CMTM1: variants seen among roughly 807,000 people sequenced by gnomAD.
The protein encoded by CMTM1 is CKLF-like MARVEL transmembrane domain-containing protein 1.
A neutral mutation model predicts 17.8 loss-of-function variants in CMTM1; 16 were observed. That is an observed-to-expected ratio of 0.90 (90% confidence interval 0.61 to 1.37). The LOEUF (loss-of-function observed/expected upper bound fraction) is 1.37, where lower values mean the gene tolerates loss of function less well. Among genes scored for constraint, CMTM1 ranks in the 40% most tolerant of loss-of-function variants. CMTM1 has a pLI of 0.00. For missense variants in CMTM1, 354 were observed against 375.6 expected (o/e 0.94, Z 0.47); for synonymous variants, 169 against 154.6 (o/e 1.09, Z -0.69).
chr16:66,566,537 T>A lies in CMTM1; in HGVS notation c.24T>A (p.Pro8=). Residue 8 remains proline, a synonymous_variant, in exon 1 of 4, where the codon CCT becomes CCA. Transcript: ENST00000379500. The surrounding 1 kb of genome is among the most constrained non-coding windows in gnomAD (Gnocchi z 4.9). MDPEHAK[P]ESSEAPSGNL... ...CCATGGATCCTGAACACGCCAAACC[T>A]GAGTCATCCGAGGCACCTTCAGGGA... is the stretch of plus-strand genomic sequence containing the variant. 6.2e-7 allele frequency: 1 copy of A among 1,612,288 alleles called. No homozygotes were observed. The highest frequency in any genetic ancestry group is 8.5e-7 in the Non-Finnish European group (1 of 1,179,292).
chr16:66,566,818 C>T lies in CMTM1; in HGVS notation c.305C>T (p.Ser102Phe). ...CCCACGCCCTCTGCACACACTGAATCCAAACTCTTAAATGAGATGGCGATC... is the reference window on the plus strand; with the variant it reads ...CCCACGCCCTCTGCACACACTGAATTCAAACTCTTAAATGAGATGGCGATC... The part of the protein sequence containing the change: ...PPPTPSAHTE[S>F]KLLNEMAIKE... Residue 102 changes from serine to phenylalanine, a missense_variant, in exon 1 of 4, where the codon TCC (serine) becomes TTC (phenylalanine). By Grantham distance (155) the Ser-to-Phe change is radical (BLOSUM62 -2). Transcript: ENST00000379500. The surrounding 1 kb of genome is among the most constrained non-coding windows in gnomAD (Gnocchi z 4.9). 6.2e-7 allele frequency: 1 copy of T among 1,612,590 alleles called. No individual in the cohort carries two copies. The highest frequency in any genetic ancestry group is 1.1e-5 in the South Asian group (1 of 91,060).
At position 66,566,890 on chromosome 16, in the gene CMTM1, A is replaced by G. The variant is rs534326950; in HGVS notation, c.377A>G (p.Asp126Gly). 1.9e-6 allele frequency: 3 copies of G among 1,613,968 alleles called. No homozygotes were observed. The African/African-American group carries it at 4.0e-5, about 22-fold the overall frequency. ...GRAKVPYKFR[D>G]SLKRFSFSPT... Reference sequence around the variant, plus strand: ...GCCAAAGTCCCGTACAAATTCAGGGACAGCCTCAAACGTTTCTCCTTCTCG... The same window carrying G: ...GCCAAAGTCCCGTACAAATTCAGGGGCAGCCTCAAACGTTTCTCCTTCTCG... The change falls in exon 1 of 4, where the codon GAC (aspartate) becomes GGC (glycine). Residue 126 changes from aspartate (D) to glycine (G), a missense_variant. Transcript: ENST00000379500. The surrounding 1 kb of genome is among the most constrained non-coding windows in gnomAD (Gnocchi z 4.9).
chr16:66,572,081 C>T (rs542461517), intron 2 of CMTM1, among the ~76,000 whole-genome samples: 1 of 152,228 alleles, frequency 6.6e-6, no homozygotes, highest in African/African-American at 2.4e-5. Flanking sequence ...AGAGGTGATT[C>T]GGAGCCCCTG....
chr16:66,570,389 A>G (rs1427702934), intron 2 of CMTM1, among the ~76,000 whole-genome samples: 1 of 152,218 alleles, frequency 6.6e-6, no homozygotes, highest in Non-Finnish European at 1.5e-5. Flanking sequence ...AAAGTAGGTA[A>G]GCACATTTCT....
chr16:66,573,075 C>G (rs533373538), intron 2 of CMTM1, among the ~76,000 whole-genome samples: 1 of 152,250 alleles, frequency 6.6e-6, no homozygotes, highest in Admixed American at 6.5e-5. Context: ...GACCCTGACA[C>G]CATGGGAAAG....
intron 3 of CMTM1, among the ~76,000 whole-genome samples, chr16:66,577,821 ATTCAGGGGG>A (rs2094575102): frequency 6.6e-6 from 1 of 152,254 alleles, no homozygotes; most frequent in South Asian, 2.1e-4. Flanking sequence ...TGCTTGGAAG[ATTCAGGGGG>A]TTGGGAGGGG....
chr16:66,570,158 C>A, intron 2 of CMTM1, 64 bp downstream of exon 2: 1 of 1,307,556 alleles, frequency 7.6e-7, no homozygotes, highest in East Asian at 2.4e-5. Context: ...AGTAAGGGCT[C>A]TCCTTAAGTG....
rs1249868671 is a variant in CMTM1 at position 66,566,632 on chromosome 16, C to T, written c.119C>T (p.Ala40Val). Reference sequence around the variant, plus strand: ...AGCGTAGTGAGTTCTGTACCCAAGGCACAGCGCAACATCTCAGCGAAGACC... The same window carrying T: ...AGCGTAGTGAGTTCTGTACCCAAGGTACAGCGCAACATCTCAGCGAAGACC... ...SGSVVSSVPK[A>V]QRNISAKTAP... The change falls in exon 1 of 4, where the codon GCA becomes GTA. Residue 40 changes from alanine to valine, a missense_variant. Transcript: ENST00000379500. This position sits in a 1 kb window ranked among gnomAD's most constrained non-coding sequence, Gnocchi z 4.9. 1.2e-6 allele frequency: 2 copies of T among 1,614,032 alleles called. No homozygotes were observed. The highest frequency in any genetic ancestry group is 4.5e-5 in the East Asian group (2 of 44,848).
rs1491178009 is a variant in CMTM1 at position 66,567,152 on chromosome 16, TTC to T, written c.432+209_432+210del. The T allele has an allele frequency of 1.5e-3, 956 of 626,850 alleles. 2 individuals are homozygous for T. In the African/African-American group the frequency reaches 0.021, roughly 14 times the overall value. The allele number at this position is 626,850 out of a possible 1,614,324, so 38.8% of individuals were successfully genotyped here. A position where few individuals can be genotyped will look rare whatever the true frequency, so the allele number is the denominator to read the frequency against. ...ACTTGCCTCTTTTTTTCCCTATTTT[TTC>T]TTTTTTTTTTTTTTTTATTATACTT... On this transcript the variant is annotated intron_variant, in intron 1 of 3. Coordinates refer to ENST00000379500, the MANE Select transcript of CMTM1 (RefSeq NM_052999.4).
At chr16:66,575,632 A>G (rs1197450058) in intron 2 of CMTM1, among the ~76,000 whole-genome samples, 1 of 152,200 alleles carries the variant, frequency 6.6e-6, no homozygotes, top group Non-Finnish European at 1.5e-5. Flanking sequence ...TAGGCAACTG[A>G]AAAACTCCAA....
chr16:66,576,167 C>T (rs776029989), intron 2 of CMTM1, among the ~76,000 whole-genome samples: 9 of 152,208 alleles, frequency 5.9e-5, no homozygotes, highest in South Asian at 2.1e-4. Flanking sequence ...GAGGCCGAGG[C>T]GGGTGGATCA....
chr16:66,570,450 T>C (rs2013339214), intron 2 of CMTM1, among the ~76,000 whole-genome samples: 1 of 152,260 alleles, frequency 6.6e-6, no homozygotes, highest in Non-Finnish European at 1.5e-5. Flanking sequence ...GAGAGCACTC[T>C]GATTATAAAC....
At chr16:66,572,061 C>T (rs1170026486) in intron 2 of CMTM1, among the ~76,000 whole-genome samples, 1 of 152,160 alleles carries the variant, frequency 6.6e-6, no homozygotes, top group African/African-American at 2.4e-5. Flanking sequence ...TTGGGGATGA[C>T]TGGGAGCCCA....
At chr16:66,569,905 A>T (rs2013232096) in intron 1 of CMTM1, 31 bp from the exon 2 acceptor site, 1 of 1,544,492 alleles carries the variant, frequency 6.5e-7, no homozygotes, top group Non-Finnish European at 8.7e-7. Flanking sequence ...TAAATCATGC[A>T]TTAAAACAAA....
In CMTM1 at chr16:66,579,074, T is replaced by G; in HGVS notation, c.*73T>G. On this transcript the variant is annotated 3_prime_UTR_variant, in exon 4 of 4. Transcript: ENST00000379500. This position sits in a 1 kb window ranked among gnomAD's most constrained non-coding sequence, Gnocchi z 6.5. ...CTCCGAGCCCACCCCCGAGCTCGCA[T>G]GCTGTCACCCATTCCAGCCTAAATG... The G allele has an allele frequency of 6.4e-7, 1 of 1,564,558 alleles. No homozygotes were observed. The highest frequency in any genetic ancestry group is 2.2e-5 in the East Asian group (1 of 44,562).
At chr16:66,578,598 G>A (rs532893241) in intron 3 of CMTM1, among the ~76,000 whole-genome samples, 2 of 152,252 alleles carry the variant, frequency 1.3e-5, no homozygotes, top group African/African-American at 4.8e-5. Flanking sequence ...CAGACATCAA[G>A]CGAGGCTACT....
At chr16:66,567,332 G>A in intron 1 of CMTM1, 2 of 323,300 alleles carry the variant, frequency 6.2e-6, no homozygotes, top group Non-Finnish European at 1.2e-5. Context: ...ACAGGCCCCA[G>A]TGTGTGATGT....
chr16:66,569,369 G>A (rs1376616562), intron 1 of CMTM1, among the ~76,000 whole-genome samples: 1 of 152,218 alleles, frequency 6.6e-6, no homozygotes, highest in African/African-American at 2.4e-5. Context: ...AAGACTAGGT[G>A]AAACAATAAC....
At chr16:66,573,112 C>T (rs1336973220) in intron 2 of CMTM1, among the ~76,000 whole-genome samples, 4 of 152,164 alleles carry the variant, frequency 2.6e-5, no homozygotes, top group Non-Finnish European at 5.9e-5. Context: ...CAACCCCTAA[C>T]CTATGTTAGG....
Sources: gnomAD v4.1 joint callset for allele counts (sites outside exome capture counted in the v4.1 genomes callset) on GRCh38, gnomAD v4.1.1 for gene constraint, Gnocchi (gnomAD v3.1) non-coding constraint, MANE v1.5 for transcripts, NCBI Gene and HGNC (gene_info 2026-07-23, HGNC 2026-07-21) for gene names.